The following PNKD variants were observed in gnomAD, a reference collection of about 807,000 sequenced individuals.
PNKD encodes PNKD metallo-beta-lactamase domain containing.
In PNKD, 36 loss-of-function variants were observed where a neutral mutation model predicts 45.3. That is an observed-to-expected ratio of 0.80 (90% confidence interval 0.61 to 1.05). The LOEUF is 1.05. PNKD is among the 50% of genes least tolerant of loss of function. PNKD has a pLI of 0.00. For missense variants in PNKD, 511 were observed against 506.6 expected (o/e 1.01, Z -0.08); for synonymous variants, 197 against 210.1 (o/e 0.94, Z 0.54).
At position 218,346,555 on chromosome 2, in the gene PNKD, A is replaced by C. The variant is rs1694831111; in HGVS notation, c.*1574A>C. The C allele has an allele frequency of 6.5e-6, 1 of 153,898 alleles. No homozygotes were observed. Among genetic ancestry groups the C allele is most frequent in the South Asian group, 2.1e-4 (1 of 4,836 alleles). The allele number at this position is 153,898 out of a possible 1,614,324, so 9.5% of individuals were successfully genotyped here. A position where few individuals can be genotyped will look rare whatever the true frequency, so the allele number is the denominator to read the frequency against. On this transcript the variant is annotated 3_prime_UTR_variant, in exon 10 of 10. Coordinates refer to ENST00000273077, the MANE Select transcript of PNKD (RefSeq NM_015488.5). The stretch of plus-strand genomic sequence containing the variant: ...GATCCCCTCAAAGGCCCCCTCCTCC[A>C]GGAAGGCAACCCCTGTGCCCCTCCC...
intron 9 of PNKD, 105 bp downstream of exon 9, chr2:218,344,675 G>T: frequency 7.3e-7 from 1 of 1,376,978 alleles, no homozygotes; most frequent in South Asian, 1.2e-5. Flanking sequence ...CCAAAACTCT[G>T]ACCTCTTTGG....
chr2:218,327,979 A>AAAAAC (rs59738930), intron 2 of PNKD: 2 of 150,338 alleles, frequency 1.3e-5, no homozygotes, highest in Non-Finnish European at 3.0e-5. Flanking sequence ...AAAAAAAAAA[A>AAAAAC]GGAAACTGTT....
chr2:218,276,108 T>C (rs371215328), intron 2 of PNKD: 2 of 1,609,238 alleles, frequency 1.2e-6, no homozygotes, highest in African/African-American at 1.3e-5. Flanking sequence ...GAGAATGGCA[T>C]TAGAAACCTC....
intron 2 of PNKD, among the ~76,000 whole-genome samples, chr2:218,333,850 CACACCTATAATCCCA>C (rs1464668815): frequency 2.0e-3 from 304 of 151,602 alleles, no homozygotes; most frequent in Middle Eastern, 6.8e-3. Flanking sequence ...CGCCGTGGCT[CACACCTATAATCCCA>C]ACACTTTGGG....
Position 218,345,061 on chromosome 2 carries a change from C to T in PNKD, c.*80C>T, listed in dbSNP as rs888079587. The T allele has an allele frequency of 8.4e-5, 93 of 1,101,398 alleles. No individual in the cohort carries two copies. Among genetic ancestry groups the T allele is most frequent in the Non-Finnish European group, 1.1e-4 (84 of 754,602 alleles). 68.2% of individuals were successfully genotyped at this position (1,101,398 alleles called of 1,614,324 possible). A position where few individuals can be genotyped will look rare whatever the true frequency, so the allele number is the denominator to read the frequency against. ...CAACACCTCATCATCCTTCTCATCGCTAACACCACCACCTCCATCGGCACC... is the reference window on the plus strand; with the variant it reads ...CAACACCTCATCATCCTTCTCATCGTTAACACCACCACCTCCATCGGCACC... On this transcript the variant is annotated 3_prime_UTR_variant, in exon 10 of 10. Transcript: ENST00000273077.
intron 2 of PNKD, among the ~76,000 whole-genome samples, chr2:218,304,112 G>A (rs372865504): frequency 7.1e-4 from 108 of 152,180 alleles, no homozygotes; most frequent in African/African-American, 2.4e-3. Context: ...CTCAACCAGT[G>A]GTCACAGCCC....
intron 2 of PNKD, among the ~76,000 whole-genome samples, chr2:218,331,758 G>A (rs539128007): frequency 2.0e-5 from 3 of 152,166 alleles, no homozygotes; most frequent in South Asian, 2.1e-4. Flanking sequence ...GTGAGCCACC[G>A]CGCCCAGCCA....
chr2:218,308,137 A>C (rs1175501195), intron 2 of PNKD, among the ~76,000 whole-genome samples: 2 of 152,008 alleles, frequency 1.3e-5, no homozygotes, highest in Non-Finnish European at 2.9e-5. Flanking sequence ...TAATAAACAA[A>C]TGGTACCCCA....
chr2:218,273,008 A>G lies in PNKD; in HGVS notation c.236+1459A>G, dbSNP rs1437598281. Reference sequence around the variant, plus strand: ...GGGCAGAGGGTGGGGCTGGTTACTCATGTGTGCTCCCTCTCACAGAGCTCA... The same window carrying G: ...GGGCAGAGGGTGGGGCTGGTTACTCGTGTGTGCTCCCTCTCACAGAGCTCA... On this transcript the variant is annotated intron_variant, in intron 2 of 9. Transcript: ENST00000273077. The G allele has an allele frequency of 6.9e-6, 8 of 1,164,142 alleles. No individual in the cohort carries two copies. The East Asian group carries it at 1.9e-4, about 27-fold the overall frequency. 72.1% of individuals were successfully genotyped at this position (1,164,142 alleles called of 1,614,324 possible). A position where few individuals can be genotyped will look rare whatever the true frequency, so the allele number is the denominator to read the frequency against.
Position 218,279,282 on chromosome 2 carries a change from G to C in PNKD, c.236+7733G>C, listed in dbSNP as rs760507665. On this transcript the variant is annotated intron_variant, in intron 2 of 9. Coordinates refer to ENST00000273077, the MANE Select transcript of PNKD (RefSeq NM_015488.5). ...GTAGGAGTGGGTGGCAAAGCCTAGA[G>C]ACTTACACAAAGGTGAAGATAGCAA... 28 of 1,576,444 alleles carry C rather than the reference G, an allele frequency of 1.8e-5. No individual in the cohort carries two copies. The South Asian group carries it at 3.2e-4, about 18-fold the overall frequency.
chr2:218,275,329 G>A, intron 2 of PNKD: 1 of 1,110,018 alleles, frequency 9.0e-7, no homozygotes, highest in Non-Finnish European at 1.2e-6. Flanking sequence ...AGCCAGAGAG[G>A]CCACCTGTCT....
At chr2:218,271,290 A>C (rs926180679) in intron 1 of PNKD, 91 bp from the exon 2 acceptor site, 1 of 1,059,746 alleles carries the variant, frequency 9.4e-7, no homozygotes, top group Non-Finnish European at 1.5e-6. Flanking sequence ...CCCAGATCTC[A>C]GCCGCTCCTC....
At chr2:218,313,371 A>C (rs1260698974) in intron 2 of PNKD, among the ~76,000 whole-genome samples, 1 of 152,200 alleles carries the variant, frequency 6.6e-6, no homozygotes, top group Non-Finnish European at 1.5e-5. Context: ...TCAGCCTCCC[A>C]AAGTACTGGG....
At chr2:218,275,554 A>T in intron 2 of PNKD, 1 of 1,613,970 alleles carries the variant, frequency 6.2e-7, no homozygotes, top group East Asian at 2.2e-5. Flanking sequence ...GGCGCCAGTG[A>T]TGTAGTCCTC....
intron 2 of PNKD, among the ~76,000 whole-genome samples, chr2:218,319,961 A>C (rs1693940075): frequency 6.6e-6 from 1 of 152,232 alleles, no homozygotes; most frequent in South Asian, 2.1e-4. Context: ...GAATGTTCCA[A>C]GGGGAGAGAG....
intron 8 of PNKD, 26 bp downstream of exon 8, chr2:218,343,612 A>C: frequency 1.9e-6 from 3 of 1,555,744 alleles, no homozygotes; most frequent in Non-Finnish European, 2.6e-6. Flanking sequence ...ACTACTCCCC[A>C]TCCTCCAGCC....
At chr2:218,277,947 C>G (rs764579398) in intron 2 of PNKD, 2 of 1,614,198 alleles carry the variant, frequency 1.2e-6, no homozygotes, top group East Asian at 2.2e-5. Flanking sequence ...AAAGGGTCAG[C>G]AGAATGATGT....
At chr2:218,331,797 A>T (rs1442723125) in intron 2 of PNKD, among the ~76,000 whole-genome samples, 1 of 152,128 alleles carries the variant, frequency 6.6e-6, no homozygotes, top group Non-Finnish European at 1.5e-5. Context: ...GAATATAGTC[A>T]TATTGTTTTC....
chr2:218,336,388 T>C (rs1694493895), intron 2 of PNKD, among the ~76,000 whole-genome samples: 2 of 152,202 alleles, frequency 1.3e-5, no homozygotes, highest in South Asian at 4.1e-4. Flanking sequence ...CTTAATATTG[T>C]GCAATGCCTG....
Sources: gnomAD v4.1 joint callset for allele counts (sites outside exome capture counted in the v4.1 genomes callset) on GRCh38, gnomAD v4.1.1 for gene constraint, MANE v1.5 for transcripts, NCBI Gene and HGNC (gene_info 2026-07-23, HGNC 2026-07-21) for gene names.